The following ZDHHC15 variants were observed in gnomAD, a reference collection of about 807,000 sequenced individuals.
The protein encoded by ZDHHC15 is zDHHC palmitoyltransferase 15, also known as palmitoyltransferase ZDHHC15.
A neutral mutation model predicts 31.7 loss-of-function variants in ZDHHC15; 19 were observed. The ratio of observed to expected loss-of-function variants is 0.60; its 90% CI spans 0.42 to 0.88. The LOEUF is 0.88. Among genes scored for constraint, ZDHHC15 ranks in the 40% least tolerant of loss-of-function variants. The pLI is 0.00. For missense variants in ZDHHC15, 209 were observed against 251.2 expected (o/e 0.83, Z 1.14); for synonymous variants, 103 against 90.0 (o/e 1.14, Z -0.82).
At chrX:75,404,034 G>A (rs2083384675) in intron 10 of ZDHHC15, among the ~76,000 whole-genome samples, 1 of 111,675 alleles carries the variant, frequency 9.0e-6, no homozygotes, top group South Asian at 3.7e-4. Context: ...CAGGCACATA[G>A]ACCAAAGGAA....
rs183911918 is a variant in ZDHHC15 at position 75,515,298 on chromosome X, C to T, written c.136+7591G>A. Among the ~76,000 whole-genome samples, 869 of 111,405 alleles carry T rather than the reference C, an allele frequency of 7.8e-3. 11 individuals carry two copies. The highest frequency in any genetic ancestry group is 0.026 in the African/African-American group (796 of 30,664). ...GAAAAAAAAGAGAGAGAATTTTAGACCAATATCCCTGATGAACATTGATGC... is the reference window on the plus strand; with the variant it reads ...GAAAAAAAAGAGAGAGAATTTTAGATCAATATCCCTGATGAACATTGATGC... On this transcript the variant is annotated intron_variant, in intron 1 of 11. Coordinates refer to ENST00000373367, the MANE Select transcript of ZDHHC15 (RefSeq NM_144969.3).
chrX:75,517,064 G>A (rs1008745236), intron 1 of ZDHHC15, among the ~76,000 whole-genome samples: 2 of 111,646 alleles, frequency 1.8e-5, no homozygotes, highest in South Asian at 3.8e-4. Context: ...TTAGAATGGC[G>A]ATCATTAAAA....
At chrX:75,477,784 G>C (rs918324334) in intron 3 of ZDHHC15, among the ~76,000 whole-genome samples, 1 of 111,402 alleles carries the variant, frequency 9.0e-6, no homozygotes, top group African/African-American at 3.3e-5. Context: ...ACAGTATAAA[G>C]GTAAATCACA....
chrX:75,516,834 A>T (rs776224317), intron 1 of ZDHHC15, among the ~76,000 whole-genome samples: 310 of 112,016 alleles, frequency 2.8e-3, no homozygotes, highest in Non-Finnish European at 5.1e-3. Flanking sequence ...TACAATCTAC[A>T]CATCTGACAA....
chrX:75,518,498 G>A (rs2085394013), intron 1 of ZDHHC15, among the ~76,000 whole-genome samples: 2 of 109,015 alleles, frequency 1.8e-5, no homozygotes, highest in Non-Finnish European at 3.8e-5. Flanking sequence ...TGGTGAGAAT[G>A]TGGACAAATT....
At chrX:75,422,796 C>CT (rs199812793) in intron 8 of ZDHHC15, among the ~76,000 whole-genome samples, 6 of 109,359 alleles carry the variant, frequency 5.5e-5, no homozygotes, top group Non-Finnish European at 9.6e-5. Flanking sequence ...GGTGCAAATA[C>CT]TTTTTTTTTA....
intron 9 of ZDHHC15, among the ~76,000 whole-genome samples, chrX:75,421,441 T>TTATATATATATATATATTA (rs746897275): frequency 1.5e-5 from 1 of 65,764 alleles, no homozygotes; most frequent in Non-Finnish European, 2.5e-5. Context: ...ATAATATATA[T>TTATATATATATATATATTA]TATATATATA....
chrX:75,472,437 G>A (rs1347554347), intron 3 of ZDHHC15, among the ~76,000 whole-genome samples: 1 of 112,117 alleles, frequency 8.9e-6, no homozygotes, highest in Non-Finnish European at 1.9e-5. Flanking sequence ...GGCCAGATGT[G>A]CAATTATATA....
chrX:75,492,253 C>G (rs1469524633), intron 2 of ZDHHC15, among the ~76,000 whole-genome samples: 1 of 111,305 alleles, frequency 9.0e-6, no homozygotes, highest in African/African-American at 3.3e-5. Context: ...TATATGAACC[C>G]AATACAGGAG....
chrX:75,452,316 G>C (rs1248908696), intron 3 of ZDHHC15, among the ~76,000 whole-genome samples: 1 of 110,712 alleles, frequency 9.0e-6, no homozygotes, highest in Non-Finnish European at 1.9e-5. Context: ...ATGGTAAAGG[G>C]ATCAATTCAA....
At chrX:75,378,881 G>GT (rs1255291876) in intron 11 of ZDHHC15, among the ~76,000 whole-genome samples, 1 of 111,216 alleles carries the variant, frequency 9.0e-6, no homozygotes, top group African/African-American at 3.3e-5. Flanking sequence ...GATCCCCGGA[G>GT]TTTTTTTCAG....
intron 1 of ZDHHC15, among the ~76,000 whole-genome samples, chrX:75,517,581 C>T (rs1438809051): frequency 1.7e-5 from 1 of 60,109 alleles, no homozygotes; most frequent in Non-Finnish European, 2.9e-5. Context: ...ACACGGGGGC[C>T]TGTCGTGGGG....
At chrX:75,505,755 G>C in intron 2 of ZDHHC15, 66 bp downstream of exon 2, 1 of 1,174,639 alleles carries the variant, frequency 8.5e-7, no homozygotes, top group African/African-American at 1.8e-5. Context: ...AGGCTTTTAT[G>C]TTATTTACTT....
intron 4 of ZDHHC15, among the ~76,000 whole-genome samples, chrX:75,436,397 T>A (rs957927723): frequency 1.8e-5 from 2 of 111,983 alleles, no homozygotes; most frequent in Non-Finnish European, 3.8e-5. Flanking sequence ...TTTGTTCTTG[T>A]TTCTTTAGTT....
chrX:75,491,500 A>C (rs1196450424), intron 2 of ZDHHC15, among the ~76,000 whole-genome samples: 3 of 102,893 alleles, frequency 2.9e-5, no homozygotes, highest in African/African-American at 1.1e-4. Flanking sequence ...GGGGAGGGAT[A>C]GCTTTAGGAG....
At chrX:75,504,146 T>C (rs1160595455) in intron 2 of ZDHHC15, among the ~76,000 whole-genome samples, 1 of 111,349 alleles carries the variant, frequency 9.0e-6, no homozygotes, top group Non-Finnish European at 1.9e-5. Context: ...CAGGTGGATG[T>C]GAATTTTAGG....
chrX:75,505,259 A>C (rs2085140191), intron 2 of ZDHHC15, among the ~76,000 whole-genome samples: 1 of 112,006 alleles, frequency 8.9e-6, no homozygotes, highest in African/African-American at 3.2e-5. Flanking sequence ...ACTCACAGTT[A>C]TTACTGATAA....
intron 4 of ZDHHC15, among the ~76,000 whole-genome samples, chrX:75,448,431 G>A (rs757867884): frequency 8.9e-6 from 1 of 112,152 alleles, no homozygotes; most frequent in African/African-American, 3.2e-5. Context: ...TTCTTATGTT[G>A]TTATGAATAC....
chrX:75,482,171 C>T (rs1433799424), intron 2 of ZDHHC15, among the ~76,000 whole-genome samples: 1 of 111,199 alleles, frequency 9.0e-6, no homozygotes, highest in African/African-American at 3.3e-5. Flanking sequence ...CTATTGGGTA[C>T]TATGCTTACT....
Sources: allele counts gnomAD v4.1 joint callset (sites outside exome capture counted in the v4.1 genomes callset), GRCh38; gene constraint gnomAD v4.1.1; transcripts MANE v1.5; gene names NCBI Gene and HGNC (gene_info 2026-07-23, HGNC 2026-07-21).